The following R3HDM1 variants were observed in gnomAD, a reference collection of about 807,000 sequenced individuals.
R3HDM1 encodes the protein R3H domain containing 1.
In R3HDM1, 46 loss-of-function variants were observed where a neutral mutation model predicts 141.1. The ratio of observed to expected loss-of-function variants is 0.33; its 90% CI spans 0.26 to 0.42. The LOEUF (loss-of-function observed/expected upper bound fraction) is 0.42. Among genes scored for constraint, R3HDM1 ranks in the 10% least tolerant of loss-of-function variants. R3HDM1 has a pLI of 1.00. For missense variants in R3HDM1, 1,184 were observed against 1,368.3 expected (o/e 0.87, Z 2.12); for synonymous variants, 435 against 472.9 (o/e 0.92, Z 1.04).
chr2:135,547,782 T>C (rs1422471884), intron 1 of R3HDM1, among the ~76,000 whole-genome samples: 1 of 145,602 alleles, frequency 6.9e-6, no homozygotes, highest in Non-Finnish European at 1.5e-5. Flanking sequence ...TTTTTTTTTT[T>C]TTTTTTCTTG....
At chr2:135,646,967 G>A (rs1017565252) in intron 16 of R3HDM1, among the ~76,000 whole-genome samples, 3 of 151,306 alleles carry the variant, frequency 2.0e-5, no homozygotes, top group Admixed American at 6.6e-5. Context: ...CATTTGTATT[G>A]CAGGGTTGAA....
chr2:135,556,878 A>G (rs1196898742), intron 1 of R3HDM1, among the ~76,000 whole-genome samples: 1 of 152,104 alleles, frequency 6.6e-6, no homozygotes, highest in Non-Finnish European at 1.5e-5. Context: ...AAACTATTAA[A>G]ATTCCTCTGC....
chr2:135,658,348 A>G (rs1001626675), intron 18 of R3HDM1, among the ~76,000 whole-genome samples: 1 of 152,052 alleles, frequency 6.6e-6, no homozygotes, highest in African/African-American at 2.4e-5. Context: ...TTGTATCTTT[A>G]GTAGAGACAG....
At position 135,631,758 on chromosome 2, in the gene R3HDM1, G is replaced by A; in HGVS notation, c.538G>A (p.Asp180Asn). 6.4e-7 allele frequency: 1 copy of A among 1,567,904 alleles called. No homozygotes were observed. Among genetic ancestry groups the A allele is most frequent in the Non-Finnish European group, 8.6e-7 (1 of 1,162,026 alleles). ...MLLKLEQEIL[D>N]FIGNNESPRK... ...GCTGAAATTGGAACAAGAAATTTTA[G>A]ATTTCATTGGTAATAATGAGTAAGT... Residue 180 changes from aspartate (D) to asparagine (N), a missense_variant, in exon 8 of 27, where the codon GAT becomes AAT. Physicochemically the swap from Asp to Asn is conservative, Grantham distance 23. Around this residue, in one of 5 missense-constraint regions of R3HDM1, gnomAD observed 192 missense variants for 215.7 expected, o/e 0.89. Transcript: ENST00000683871.
Position 135,631,224 on chromosome 2 carries a change from G to A in R3HDM1, c.498-494G>A, listed in dbSNP as rs140435454. 8.0e-3 allele frequency among the ~76,000 whole-genome samples: 1,214 copies of A among 152,188 alleles called. 13 individuals carry two copies. Among genetic ancestry groups the A allele is most frequent in the Middle Eastern group, 0.02 (6 of 294 alleles). ...TAGAATACTGTTTCTATGGAGTTCA[G>A]CATGATAACAAAGTCCTGAGCCTAA... On this transcript the variant is annotated intron_variant, in intron 7 of 26. Coordinates refer to ENST00000683871, the MANE Select transcript of R3HDM1 (RefSeq NM_001378107.1).
chr2:135,654,427 TTTGTTGTTGTTGTTGTTGTTG>T (rs35477275), intron 18 of R3HDM1, among the ~76,000 whole-genome samples: 5 of 149,104 alleles, frequency 3.4e-5, no homozygotes, highest in African/African-American at 1.2e-4. Context: ...AATGTTTTCT[TTTGTTGTTGTTGTTGTTGTTG>T]TTGTTGTTGT....
intron 16 of R3HDM1, among the ~76,000 whole-genome samples, chr2:135,646,625 A>T (rs972599817): frequency 6.6e-6 from 1 of 151,552 alleles, no homozygotes; most frequent in Non-Finnish European, 1.5e-5. Flanking sequence ...AGGCAGGCAG[A>T]TCACCTGAGG....
chr2:135,567,669 A>T (rs1703109368), intron 1 of R3HDM1, among the ~76,000 whole-genome samples: 1 of 152,134 alleles, frequency 6.6e-6, no homozygotes, highest in African/African-American at 2.4e-5. Context: ...AACCATGCCC[A>T]AGTCATTTAC....
intron 21 of R3HDM1, among the ~76,000 whole-genome samples, chr2:135,698,219 G>A (rs1238801444): frequency 6.6e-6 from 1 of 150,504 alleles, no homozygotes; most frequent in Non-Finnish European, 1.5e-5. Context: ...GAGTGCAGTG[G>A]TGCGATGTCG....
At chr2:135,579,227 G>T (rs1047576211) in intron 1 of R3HDM1, among the ~76,000 whole-genome samples, 1 of 152,178 alleles carries the variant, frequency 6.6e-6, no homozygotes. Flanking sequence ...ATGTTGAAAG[G>T]ACAACAGGAA....
chr2:135,547,842 C>T (rs1165925777), intron 1 of R3HDM1, among the ~76,000 whole-genome samples: 2 of 145,328 alleles, frequency 1.4e-5, no homozygotes, highest in Non-Finnish European at 3.0e-5. Context: ...GGCACGATCT[C>T]GGCTCACTGC....
At position 135,579,889 on chromosome 2, in the gene R3HDM1, A is replaced by G. The variant is rs192653832; in HGVS notation, c.-249-22611A>G. Among the ~76,000 whole-genome samples, 27 of 152,308 alleles carry G rather than the reference A, an allele frequency of 1.8e-4. No homozygotes were observed. The East Asian group carries it at 5.2e-3, about 29-fold the overall frequency. ...ACACATTATAAGGGGAAGTTGGATG[A>G]GGTATATACAGGAAGTCTGTGCTAT... On this transcript the variant is annotated intron_variant, in intron 1 of 26. Transcript: ENST00000683871.
At chr2:135,653,116 G>T (rs777106485) in intron 18 of R3HDM1, among the ~76,000 whole-genome samples, 1 of 150,672 alleles carries the variant, frequency 6.6e-6, no homozygotes, top group African/African-American at 2.4e-5. Context: ...AGCCCTTTGG[G>T]AGGCTGAGGC....
At chr2:135,570,637 A>G (rs558648962) in intron 1 of R3HDM1, among the ~76,000 whole-genome samples, 6 of 152,246 alleles carry the variant, frequency 3.9e-5, no homozygotes, top group Non-Finnish European at 8.8e-5. Flanking sequence ...AGGACCTAGG[A>G]TAAAAATTAG....
chr2:135,634,098 GAAAAT>G (rs2063008546), intron 9 of R3HDM1, among the ~76,000 whole-genome samples: 2 of 152,084 alleles, frequency 1.3e-5, no homozygotes, highest in Admixed American at 1.3e-4. Context: ...AACCCTTGAA[GAAAAT>G]ACTCTTTTTC....
At chr2:135,565,894 C>T (rs992978116) in intron 1 of R3HDM1, 4 of 152,196 alleles carry the variant, frequency 2.6e-5, no homozygotes, top group Admixed American at 2.6e-4. Context: ...GGGGAGCCTA[C>T]GCTATTTATT....
At chr2:135,600,806 A>C (rs1436355539) in intron 1 of R3HDM1, among the ~76,000 whole-genome samples, 1 of 152,152 alleles carries the variant, frequency 6.6e-6, no homozygotes, top group Non-Finnish European at 1.5e-5. Flanking sequence ...AAGTCATTTG[A>C]CTTCTAGGCA....
chr2:135,538,412 T>A (rs1452431081), intron 1 of R3HDM1, among the ~76,000 whole-genome samples: 2 of 152,188 alleles, frequency 1.3e-5, no homozygotes, highest in Non-Finnish European at 2.9e-5. Context: ...TATACTTGGG[T>A]TCCACTAAAT....
chr2:135,557,005 A>G (rs1280534109), intron 1 of R3HDM1, among the ~76,000 whole-genome samples: 1 of 152,120 alleles, frequency 6.6e-6, no homozygotes, highest in Admixed American at 6.5e-5. Flanking sequence ...TATTTTAGAA[A>G]TATTTTTAGC....
Sources: gnomAD v4.1 joint callset for allele counts (sites outside exome capture counted in the v4.1 genomes callset) on GRCh38, gnomAD v4.1.1 for gene constraint, gnomAD v4.1.1 regional missense constraint, MANE v1.5 for transcripts, NCBI Gene and HGNC (gene_info 2026-07-23, HGNC 2026-07-21) for gene names.